Variants in FAR2 observed in about 807,000 individuals in gnomAD.
FAR2 encodes fatty acyl-CoA reductase 2.
In FAR2, 19 loss-of-function variants were observed where a neutral mutation model predicts 56.0. That is an observed-to-expected ratio of 0.34 (90% CI 0.24 to 0.50). FAR2 has a LOEUF of 0.50. Among genes scored for constraint, FAR2 ranks in the 20% least tolerant of loss-of-function variants. FAR2 has a pLI of 0.98. For synonymous variants in FAR2, 219 were observed against 218.8 expected (o/e 1.00, Z -0.01); for missense variants, 508 against 642.2 (o/e 0.79, Z 2.26).
At chr12:29,315,459 G>GT (rs1263153923) in intron 8 of FAR2, among the ~76,000 whole-genome samples, 1 of 152,158 alleles carries the variant, frequency 6.6e-6, no homozygotes, top group Admixed American at 6.5e-5. Context: ...GAATGGAGAA[G>GT]TATCTGTAAT....
At chr12:29,291,185 A>C (rs887366533) in intron 2 of FAR2, among the ~76,000 whole-genome samples, 1 of 152,188 alleles carries the variant, frequency 6.6e-6, no homozygotes, top group Non-Finnish European at 1.5e-5. Flanking sequence ...AAAAAGAATC[A>C]AGGAGTTTAC....
intron 1 of FAR2, among the ~76,000 whole-genome samples, chr12:29,204,013 A>AAG (rs1555108270): frequency 2.0e-5 from 3 of 149,662 alleles, no homozygotes; most frequent in Non-Finnish European, 3.0e-5. Flanking sequence ...AAAAAAAAAA[A>AAG]AAAAAAAAAA....
intron 5 of FAR2, 72 bp downstream of exon 5, chr12:29,307,907 G>A: frequency 1.4e-6 from 2 of 1,454,030 alleles, no homozygotes; most frequent in Non-Finnish European, 1.9e-6. Context: ...ACTTTCTGAT[G>A]TCTTTCTTCT....
chr12:29,329,426 A>G (rs1307249218), intron 10 of FAR2, among the ~76,000 whole-genome samples: 1 of 152,218 alleles, frequency 6.6e-6, no homozygotes, highest in Admixed American at 6.5e-5. Context: ...TGGATTTAAC[A>G]TATGCTCTCA....
chr12:29,221,479 T>A (rs765481419), intron 1 of FAR2, among the ~76,000 whole-genome samples: 38 of 152,320 alleles, frequency 2.5e-4, no homozygotes, highest in South Asian at 1.4e-3. Flanking sequence ...TAAAGGATTG[T>A]TTTCAATTGG....
At chr12:29,308,694 AC>A (rs1949294540) in intron 5 of FAR2, among the ~76,000 whole-genome samples, 1 of 40,170 alleles carries the variant, frequency 2.5e-5, no homozygotes, top group Non-Finnish European at 5.3e-5. Context: ...ACACAGACAC[AC>A]ACACACACAC....
At chr12:29,330,142 C>T (rs1201744818) in intron 10 of FAR2, among the ~76,000 whole-genome samples, 2 of 150,678 alleles carry the variant, frequency 1.3e-5, no homozygotes, top group Non-Finnish European at 2.9e-5. Flanking sequence ...CTGCAACCTC[C>T]GCCTCCCGGG....
intron 1 of FAR2, among the ~76,000 whole-genome samples, chr12:29,234,677 C>G (rs1947910418): frequency 6.6e-6 from 1 of 152,292 alleles, no homozygotes. Flanking sequence ...CAGGATAAAA[C>G]TTATCCCTTT....
intron 8 of FAR2, among the ~76,000 whole-genome samples, chr12:29,315,531 A>C (rs1405138351): frequency 6.6e-6 from 1 of 152,202 alleles, no homozygotes; most frequent in African/African-American, 2.4e-5. Context: ...AGACTGTAGG[A>C]GTACAAGGGT....
At chr12:29,234,595 T>C (rs1947909363) in intron 1 of FAR2, among the ~76,000 whole-genome samples, 1 of 152,168 alleles carries the variant, frequency 6.6e-6, no homozygotes, top group Non-Finnish European at 1.5e-5. Context: ...CTGCAACTGG[T>C]CAACTTTCTA....
At chr12:29,315,503 G>T (rs762915068) in intron 8 of FAR2, among the ~76,000 whole-genome samples, 1 of 152,110 alleles carries the variant, frequency 6.6e-6, no homozygotes, top group Non-Finnish European at 1.5e-5. Flanking sequence ...GAATCACTCC[G>T]GCTGCCACAT....
At chr12:29,285,058 G>GT (rs1948851217) in intron 2 of FAR2, among the ~76,000 whole-genome samples, 1 of 152,078 alleles carries the variant, frequency 6.6e-6, no homozygotes, top group South Asian at 2.1e-4. Context: ...AGCCAGGATG[G>GT]TCTCGATCTC....
chr12:29,270,574 T>A lies in FAR2; in HGVS notation c.125T>A (p.Ile42Asn), dbSNP rs773281111. The change falls in exon 2 of 12, where the codon ATC becomes AAC. Residue 42 changes from isoleucine to asparagine, a missense_variant. Physicochemically the swap from Ile to Asn is moderately radical, Grantham distance 149. Coordinates refer to ENST00000536681, the MANE Select transcript of FAR2 (RefSeq NM_001271783.2). ...AGCCCAGACCTGAAAGTCATTTACA[T>A]CCTTGTGAGGCCCAAGGCTGGCCAG... ...RTSPDLKVIY[I>N]LVRPKAGQTL... The A allele has an allele frequency of 1.2e-6, 2 of 1,614,160 alleles. No homozygotes were observed. The highest frequency in any genetic ancestry group is 1.7e-6 in the Non-Finnish European group (2 of 1,180,000).
At chr12:29,216,164 A>G (rs1215355245) in intron 1 of FAR2, among the ~76,000 whole-genome samples, 4 of 152,200 alleles carry the variant, frequency 2.6e-5, no homozygotes, top group Non-Finnish European at 5.9e-5. Flanking sequence ...TAAATTAATT[A>G]ATCTAGAAAC....
At chr12:29,281,171 G>C (rs1055957287) in intron 2 of FAR2, 1 of 152,186 alleles carries the variant, frequency 6.6e-6, no homozygotes, top group African/African-American at 2.4e-5. Context: ...TCCCAATGTT[G>C]AGGTAGAAAA....
intron 1 of FAR2, among the ~76,000 whole-genome samples, chr12:29,251,553 C>T (rs572801631): frequency 6.6e-6 from 1 of 152,248 alleles, no homozygotes; most frequent in South Asian, 2.1e-4. Flanking sequence ...CAGTGAGACC[C>T]CTAACCTGTA....
At chr12:29,331,063 CTTG>C (rs1048667060) in intron 10 of FAR2, among the ~76,000 whole-genome samples, 12 of 152,222 alleles carry the variant, frequency 7.9e-5, no homozygotes, top group African/African-American at 2.6e-4. Context: ...GAACATCATT[CTTG>C]TTGTTCTAGG....
At chr12:29,210,648 G>T (rs1229321089) in intron 1 of FAR2, among the ~76,000 whole-genome samples, 1 of 152,206 alleles carries the variant, frequency 6.6e-6, no homozygotes, top group Non-Finnish European at 1.5e-5. Context: ...TTCCAAATAT[G>T]ATTTCTTTTT....
chr12:29,302,234 A>AG (rs1949182662), intron 4 of FAR2, among the ~76,000 whole-genome samples: 1 of 91,488 alleles, frequency 1.1e-5, no homozygotes, highest in Non-Finnish European at 2.3e-5. Flanking sequence ...TCCATCTCAA[A>AG]GGAAAAAAAA....
Sources: allele counts gnomAD v4.1 joint callset (sites outside exome capture counted in the v4.1 genomes callset), GRCh38; gene constraint gnomAD v4.1.1; transcripts MANE v1.5; gene names NCBI Gene and HGNC (gene_info 2026-07-23, HGNC 2026-07-21).